The following XRCC5 variants were observed in gnomAD, a reference collection of about 807,000 sequenced individuals.
XRCC5 encodes DNA repair protein Ku80.
In XRCC5, 12 loss-of-function variants were observed where a neutral mutation model predicts 95.7. The observed-to-expected ratio is 0.13, with a 90% CI of 0.08 to 0.20. The LOEUF (loss-of-function observed/expected upper bound fraction) is 0.20, where lower values mean the gene tolerates loss of function less well. Among genes scored for constraint, XRCC5 ranks in the 10% least tolerant of loss-of-function variants. The pLI, the probability that XRCC5 is intolerant of heterozygous loss-of-function variation, is 1.00. For synonymous variants in XRCC5, 281 were observed against 290.3 expected, an observed-to-expected ratio of 0.97 and a Z score of 0.33; for missense variants, 595 against 873.9, an observed-to-expected ratio of 0.68 and a Z score of 4.02.
intron 16 of XRCC5, among the ~76,000 whole-genome samples, chr2:216,171,313 G>A (rs754531307): frequency 3.9e-5 from 6 of 152,204 alleles, no homozygotes; most frequent in Non-Finnish European, 8.8e-5. Flanking sequence ...ATCCATGCGT[G>A]TCTACATAAA....
chr2:216,175,055 C>A, intron 16 of XRCC5: 1 of 314,136 alleles, frequency 3.2e-6, no homozygotes, highest in South Asian at 3.3e-5. Context: ...TTATAGTTCC[C>A]ACCACCACCA....
chr2:216,149,072 C>T (rs1398984002), intron 14 of XRCC5, among the ~76,000 whole-genome samples: 4 of 152,056 alleles, frequency 2.6e-5, no homozygotes, highest in East Asian at 1.9e-4. Flanking sequence ...GATTTTAAAC[C>T]ATGAATCTTT....
At chr2:216,191,866 A>G (rs973563499) in intron 17 of XRCC5, among the ~76,000 whole-genome samples, 16 of 152,316 alleles carry the variant, frequency 1.1e-4, no homozygotes, top group African/African-American at 2.2e-4. Flanking sequence ...TATATTTTCT[A>G]TATTTCATAC....
chr2:216,159,625 G>C (rs142968464), intron 14 of XRCC5, among the ~76,000 whole-genome samples: 1 of 152,178 alleles, frequency 6.6e-6, no homozygotes, highest in Admixed American at 6.5e-5. Context: ...TAGAGAAAAC[G>C]GGTTGTTAGA....
At chr2:216,143,755 T>C (rs1239228025) in intron 13 of XRCC5, among the ~76,000 whole-genome samples, 1 of 152,010 alleles carries the variant, frequency 6.6e-6, no homozygotes, top group Non-Finnish European at 1.5e-5. Context: ...TCACCCAGGC[T>C]GGAGTGCAGT....
In XRCC5 at chr2:216,206,191, T is replaced by C. The variant is rs1169707938; in HGVS notation, c.*989T>C. 1 of 152,236 alleles carries C rather than the reference T, an allele frequency of 6.6e-6. No individual in the cohort carries two copies. The highest frequency in any genetic ancestry group is 1.5e-5 in the Non-Finnish European group (1 of 68,052). 9.4% of individuals were successfully genotyped at this position (152,236 alleles called of 1,614,324 possible). On this transcript the variant is annotated 3_prime_UTR_variant, in exon 21 of 21. Coordinates refer to ENST00000392132, the MANE Select transcript of XRCC5 (RefSeq NM_021141.4). ...GTTCCTCTTTGGTGTACAGACTTCT[T>C]GGTACCCAGTCACCTCTGTCTTCAG...
At chr2:216,142,071 A>G (rs1038812007) in intron 13 of XRCC5, among the ~76,000 whole-genome samples, 2 of 152,080 alleles carry the variant, frequency 1.3e-5, no homozygotes, top group African/African-American at 4.8e-5. Flanking sequence ...AAAGAAAAAA[A>G]AAGGTTCCTA....
At chr2:216,187,861 T>TCTCC (rs143232624) in intron 16 of XRCC5, among the ~76,000 whole-genome samples, 1 of 116,232 alleles carries the variant, frequency 8.6e-6, no homozygotes, top group African/African-American at 4.2e-5. Flanking sequence ...TCTCTCTCTC[T>TCTCC]CCCCGTCTCC....
At position 216,162,135 on chromosome 2, in the gene XRCC5, G is replaced by A. The variant is rs1287436819; in HGVS notation, c.1834+87G>A. ...AGATTAAGAACTGTAGCCTTTTGTT[G>A]TAACACTTTAGCATTTTTCTTTACT... is the stretch of plus-strand genomic sequence containing the variant. On this transcript the variant is annotated intron_variant, in intron 16 of 20. Coordinates refer to ENST00000392132, the MANE Select transcript of XRCC5 (RefSeq NM_021141.4). 1.5e-5 allele frequency: 19 copies of A among 1,299,686 alleles called. No individual in the cohort carries two copies. The East Asian group carries it at 3.3e-4, about 22-fold the overall frequency. The allele number at this position is 1,299,686 out of a possible 1,614,324, so 80.5% of individuals were successfully genotyped here.
intron 16 of XRCC5, chr2:216,175,043 CATT>C: frequency 3.3e-6 from 1 of 306,740 alleles, no homozygotes; most frequent in Non-Finnish European, 6.4e-6. Flanking sequence ...TTTCCAGAAT[CATT>C]ATAGTTCCCA....
At chr2:216,110,468 T>A (rs1002706072) in intron 1 of XRCC5, 1 of 152,226 alleles carries the variant, frequency 6.6e-6, no homozygotes, top group Non-Finnish European at 1.5e-5. Flanking sequence ...CTCTTTCAGC[T>A]GCTGAAAACT....
chr2:216,130,744 A>C, intron 8 of XRCC5, 131 bp from the exon 9 acceptor site: 1 of 579,940 alleles, frequency 1.7e-6, no homozygotes, highest in Non-Finnish European at 3.0e-6. Context: ...CAGTCATCTG[A>C]TTCCAGGGAA....
chr2:216,123,112 C>G (rs551536471), intron 6 of XRCC5, among the ~76,000 whole-genome samples: 1 of 152,234 alleles, frequency 6.6e-6, no homozygotes, highest in Admixed American at 6.5e-5. Flanking sequence ...GCTTGATATT[C>G]TTGAATTATT....
chr2:216,121,327 T>C (rs759435981), intron 5 of XRCC5, among the ~76,000 whole-genome samples: 1 of 152,222 alleles, frequency 6.6e-6, no homozygotes, highest in Non-Finnish European at 1.5e-5. Flanking sequence ...TTATTTTAAG[T>C]GTAGCAAATA....
intron 17 of XRCC5, among the ~76,000 whole-genome samples, chr2:216,191,640 A>G (rs2106047779): frequency 6.6e-6 from 1 of 152,274 alleles, no homozygotes; most frequent in East Asian, 1.9e-4. Context: ...CGAACTCCTG[A>G]CCACAGGTTA....
chr2:216,197,499 T>C (rs1262562229), intron 19 of XRCC5, among the ~76,000 whole-genome samples: 4 of 145,870 alleles, frequency 2.7e-5, no homozygotes, highest in Non-Finnish European at 6.0e-5. Flanking sequence ...CATCTTTGAA[T>C]AGAGAGAACA....
intron 16 of XRCC5, chr2:216,175,331 C>A: frequency 2.2e-6 from 1 of 462,892 alleles, no homozygotes; most frequent in East Asian, 5.6e-5. Flanking sequence ...TCCACCACAG[C>A]CAAAATTACT....
At chr2:216,110,000 G>A (rs930890818) in intron 1 of XRCC5, among the ~76,000 whole-genome samples, 1 of 152,222 alleles carries the variant, frequency 6.6e-6, no homozygotes, top group African/African-American at 2.4e-5. Flanking sequence ...CACTCTGTGA[G>A]GGACGGATCT....
intron 16 of XRCC5, among the ~76,000 whole-genome samples, chr2:216,183,221 G>A (rs1290765384): frequency 6.6e-6 from 1 of 152,084 alleles, no homozygotes; most frequent in Non-Finnish European, 1.5e-5. Context: ...AATAAAAACA[G>A]AAATAAAAGG....
Sources: gnomAD v4.1 joint callset for allele counts (sites outside exome capture counted in the v4.1 genomes callset) on GRCh38, gnomAD v4.1.1 for gene constraint, MANE v1.5 for transcripts, NCBI Gene and HGNC (gene_info 2026-07-23, HGNC 2026-07-21) for gene names.